Variants in GABRB1 observed in about 807,000 individuals in gnomAD.
GABRB1 encodes the protein gamma-aminobutyric acid type A receptor subunit beta1.
A neutral mutation model predicts 51.6 loss-of-function variants in GABRB1; 17 were observed. The ratio of observed to expected loss-of-function variants is 0.33; its 90% CI spans 0.23 to 0.49. The LOEUF is 0.49. Among genes scored for constraint, GABRB1 ranks in the 20% least tolerant of loss-of-function variants. The pLI is 0.99. For missense variants in GABRB1, 410 were observed against 600.6 expected, an observed-to-expected ratio of 0.68 and a Z score of 3.32; for synonymous variants, 247 against 218.9, an observed-to-expected ratio of 1.13 and a Z score of -1.14.
intron 3 of GABRB1, among the ~76,000 whole-genome samples, chr4:47,117,448 T>G (rs1418978941): frequency 6.6e-6 from 1 of 152,168 alleles, no homozygotes; most frequent in Non-Finnish European, 1.5e-5. Flanking sequence ...TAGATTCAGT[T>G]CAGCTACATC....
intron 8 of GABRB1, among the ~76,000 whole-genome samples, chr4:47,417,370 T>C (rs950404298): frequency 3.3e-5 from 5 of 152,012 alleles, no homozygotes; most frequent in African/African-American, 1.2e-4. Context: ...CTCAAAATGA[T>C]AATAAAGTTT....
At chr4:47,219,536 A>G (rs1325259249) in intron 4 of GABRB1, among the ~76,000 whole-genome samples, 1 of 151,910 alleles carries the variant, frequency 6.6e-6, no homozygotes, top group East Asian at 1.9e-4. Flanking sequence ...GGGCCATTGT[A>G]GAATCTTTTG....
intron 4 of GABRB1, among the ~76,000 whole-genome samples, chr4:47,318,662 A>T (rs1337802915): frequency 6.6e-6 from 1 of 151,976 alleles, no homozygotes; most frequent in Non-Finnish European, 1.5e-5. Flanking sequence ...AAGGACCCTA[A>T]CTCTACATAT....
intron 5 of GABRB1, among the ~76,000 whole-genome samples, chr4:47,347,924 C>A (rs62297800): frequency 0.37 from 55,769 of 151,978 alleles, 10,426 homozygotes; most frequent in South Asian, 0.47. Context: ...CATAATAGAA[C>A]AAGAAATCAT....
Position 47,268,394 on chromosome 4 carries a change from T to A in GABRB1, c.462-51733T>A, listed in dbSNP as rs1233312131. Among the ~76,000 whole-genome samples the A allele has an allele frequency of 2.0e-5, 3 of 152,290 alleles. No individual in the cohort carries two copies. The South Asian group carries it at 6.2e-4, about 32-fold the overall frequency. On this transcript the variant is annotated intron_variant, in intron 4 of 8. Transcript: ENST00000295454. The stretch of plus-strand genomic sequence containing the variant: ...GAAGAAAAAGCTAAAATGGTTCAAA[T>A]GATTTCCTTCAGAAAGCCTAAGGAG...
chr4:47,290,737 G>A (rs867668359), intron 4 of GABRB1, among the ~76,000 whole-genome samples: 15 of 152,084 alleles, frequency 9.9e-5, no homozygotes, highest in East Asian at 1.9e-4. Flanking sequence ...AGATACTGGC[G>A]GCATTTTGCC....
At chr4:47,112,031 A>G (rs1373857477) in intron 3 of GABRB1, among the ~76,000 whole-genome samples, 3 of 147,106 alleles carry the variant, frequency 2.0e-5, no homozygotes, top group African/African-American at 7.6e-5. Context: ...GTGCAGTGGC[A>G]CGATCTCGGC....
chr4:47,350,383 A>C (rs1054406216), intron 5 of GABRB1, among the ~76,000 whole-genome samples: 7 of 151,336 alleles, frequency 4.6e-5, no homozygotes, highest in Non-Finnish European at 4.4e-5. Context: ...TCATAAAGCT[A>C]GCAAGCACTA....
chr4:47,220,431 T>G (rs1720725009), intron 4 of GABRB1, among the ~76,000 whole-genome samples: 1 of 152,016 alleles, frequency 6.6e-6, no homozygotes, highest in African/African-American at 2.4e-5. Context: ...TCACTCCGGT[T>G]TGTTAATCTC....
At chr4:47,305,448 T>A (rs146205532) in intron 4 of GABRB1, among the ~76,000 whole-genome samples, 1 of 152,258 alleles carries the variant, frequency 6.6e-6, no homozygotes, top group African/African-American at 2.4e-5. Context: ...TTTAGAAAAG[T>A]AATGATTTCA....
chr4:47,334,547 C>G (rs73813510), intron 5 of GABRB1, among the ~76,000 whole-genome samples: 2 of 151,992 alleles, frequency 1.3e-5, no homozygotes, highest in South Asian at 4.2e-4. Context: ...CTCCTAAACC[C>G]GCATTAAAAA....
chr4:47,327,432 T>TA (rs1478755729), intron 5 of GABRB1, among the ~76,000 whole-genome samples: 1 of 152,158 alleles, frequency 6.6e-6, no homozygotes, highest in Admixed American at 6.5e-5. Flanking sequence ...AGGAAAGATC[T>TA]AACATTTATA....
chr4:47,390,580 C>A lies in GABRB1; in HGVS notation c.545-12738C>A, dbSNP rs576113883. ...CTTAATTTTATCTGTACTTTCTTCA[C>A]CACTAAGAAATCCCCAGGGGCTGAA... On this transcript the variant is annotated intron_variant, in intron 5 of 8. Coordinates refer to ENST00000295454, the MANE Select transcript of GABRB1 (RefSeq NM_000812.4). Among the ~76,000 whole-genome samples, 4 of 152,290 alleles carry A rather than the reference C, an allele frequency of 2.6e-5. No homozygotes were observed. The East Asian group carries it at 7.7e-4, about 29-fold the overall frequency.
intron 4 of GABRB1, among the ~76,000 whole-genome samples, chr4:47,173,247 T>C (rs1404814900): frequency 1.3e-5 from 2 of 152,194 alleles, no homozygotes; most frequent in African/African-American, 4.8e-5. Flanking sequence ...AAACATCTGC[T>C]TTGAATATTT....
intron 3 of GABRB1, among the ~76,000 whole-genome samples, chr4:47,078,561 T>A (rs1253403693): frequency 6.6e-6 from 1 of 152,218 alleles, no homozygotes; most frequent in Non-Finnish European, 1.5e-5. Context: ...ACCTGACTTT[T>A]ATGTCAGCTT....
chr4:47,287,351 T>C (rs1171350892), intron 4 of GABRB1, among the ~76,000 whole-genome samples: 1 of 152,246 alleles, frequency 6.6e-6, no homozygotes, highest in Non-Finnish European at 1.5e-5. Flanking sequence ...TGCATGTTAG[T>C]ACGCCTAGAA....
chr4:47,087,140 C>A (rs1577895486), intron 3 of GABRB1, among the ~76,000 whole-genome samples: 1 of 152,152 alleles, frequency 6.6e-6, no homozygotes, highest in Non-Finnish European at 1.5e-5. Context: ...TATACTTAAT[C>A]CATGAGGATG....
chr4:47,057,892 A>T (rs1726688332), intron 3 of GABRB1, among the ~76,000 whole-genome samples: 1 of 152,198 alleles, frequency 6.6e-6, no homozygotes, highest in Non-Finnish European at 1.5e-5. Context: ...TACAGGATAG[A>T]ATGGACAGAA....
chr4:47,335,241 T>C (rs1394377436), intron 5 of GABRB1, among the ~76,000 whole-genome samples: 1 of 152,008 alleles, frequency 6.6e-6, no homozygotes, highest in Non-Finnish European at 1.5e-5. Flanking sequence ...ACGGGTCACC[T>C]GCATTCACTC....
Sources: gnomAD v4.1 joint callset for allele counts (sites outside exome capture counted in the v4.1 genomes callset) on GRCh38, gnomAD v4.1.1 for gene constraint, MANE v1.5 for transcripts, NCBI Gene and HGNC (gene_info 2026-07-23, HGNC 2026-07-21) for gene names.